The following ANKRD36C variants were observed in gnomAD, a reference collection of about 807,000 sequenced individuals.
The protein encoded by ANKRD36C is ankyrin repeat domain-containing protein 36C.
ANKRD36C carries 61 observed loss-of-function variants against 276.4 expected under a neutral mutation model. That is an observed-to-expected ratio of 0.22 (90% CI 0.18 to 0.27). The LOEUF is 0.27. ANKRD36C is among the 10% of genes least tolerant of loss of function. The pLI is 1.00. For synonymous variants in ANKRD36C, 483 were observed against 680.1 expected (o/e 0.71, Z 4.51); for missense variants, 1,447 against 2,032.3 (o/e 0.71, Z 5.54).
rs1261527823 is a variant in ANKRD36C, at chr2:95,914,088, A to T, written c.2551+20T>A. On this transcript the variant is annotated intron_variant, in intron 40 of 66. Transcript: ENST00000456556. ...ATCTATCTCGACTGATCATGACATT[A>T]AATCTCTTTTCAAAATTACCTCTCC... The T allele has an allele frequency of 4.5e-6, 7 of 1,545,350 alleles. No individual in the cohort carries two copies. In the Admixed American group the frequency reaches 1.3e-4, roughly 30 times the overall value.
intron 34 of ANKRD36C, among the ~76,000 whole-genome samples, 193 bp from the exon 37 acceptor site, chr2:95,918,235 T>C (rs1677162338): frequency 6.6e-6 from 1 of 151,652 alleles, no homozygotes; most frequent in African/African-American, 2.4e-5. Context: ...CTCCATCAAA[T>C]ATATCCTTAC....
At chr2:95,855,021 T>C (rs1675375889) in intron 63 of ANKRD36C, among the ~76,000 whole-genome samples, 1 of 152,216 alleles carries the variant, frequency 6.6e-6, no homozygotes, top group Non-Finnish European at 1.5e-5. Flanking sequence ...ACATTATTAA[T>C]GTTAGTCTAT....
chr2:95,893,724 A>C, intron 44 of ANKRD36C: 1 of 1,605,746 alleles, frequency 6.2e-7, no homozygotes, highest in Admixed American at 1.7e-5. Flanking sequence ...CTGAGAAGAC[A>C]CTGAAAAGCA....
At chr2:95,897,820 C>T (rs1676600122) in intron 44 of ANKRD36C, among the ~76,000 whole-genome samples, 1 of 144,556 alleles carries the variant, frequency 6.9e-6, no homozygotes, top group African/African-American at 2.5e-5. Flanking sequence ...GCAGGTGCTA[C>T]ATGATCCCAC....
chr2:95,912,785 G>T (rs1360057315), intron 40 of ANKRD36C, among the ~76,000 whole-genome samples: 1 of 151,416 alleles, frequency 6.6e-6, no homozygotes, highest in South Asian at 2.1e-4. Flanking sequence ...GTCAGAACAG[G>T]TGCTATATGA....
chr2:95,893,430 T>C, intron 44 of ANKRD36C, 103 bp downstream of exon 64: 3 of 1,464,940 alleles, frequency 2.0e-6, no homozygotes, highest in Admixed American at 2.1e-5. Flanking sequence ...GCCTGCTGAA[T>C]CAGAAAGTGC....
At chr2:95,934,957 C>T (rs551714419) in intron 24 of ANKRD36C, among the ~76,000 whole-genome samples, 1 of 152,428 alleles carries the variant, frequency 6.6e-6, no homozygotes, top group East Asian at 1.9e-4. Flanking sequence ...AACTCACAAA[C>T]AAAAGCACAC....
At chr2:95,910,339 C>T in intron 42 of ANKRD36C, 34 bp downstream of exon 46, 3 of 1,520,398 alleles carry the variant, frequency 2.0e-6, no homozygotes, top group East Asian at 2.5e-5. Flanking sequence ...TCTATCTGGA[C>T]AGAACACGAC....
At position 95,855,989 on chromosome 2, in the gene ANKRD36C, T is replaced by C. The variant is rs535646262; in HGVS notation, c.4272A>G (p.Thr1424=). The stretch of plus-strand genomic sequence containing the variant: ...TATAACAGGCTATCGTTTCTGCTAA[T>C]GTTTCCTCATTCCGTTTTAGAGCCT... The change falls in exon 63 of 67, where the codon ACA becomes ACG. Residue 1424 remains threonine (T), a synonymous_variant. Coordinates refer to ENST00000456556, the Ensembl canonical transcript of ANKRD36C. 5 of 1,612,998 alleles carry C rather than the reference T, an allele frequency of 3.1e-6. No homozygotes were observed. In the African/African-American group the frequency reaches 4.0e-5, roughly 13 times the overall value.
At chr2:95,892,594 G>A (rs1049848815) in intron 44 of ANKRD36C, among the ~76,000 whole-genome samples, 1 of 151,418 alleles carries the variant, frequency 6.6e-6, no homozygotes, top group Non-Finnish European at 1.5e-5. Context: ...ACAAAGTAAA[G>A]CTGCTACAAG....
chr2:95,927,099 G>T (rs541625788), intron 28 of ANKRD36C, 115 bp downstream of exon 28: 976 of 1,441,224 alleles, frequency 6.8e-4, no homozygotes, highest in Non-Finnish European at 8.6e-4. Context: ...AGAATCTCAG[G>T]CCTGCTGAAT....
chr2:95,956,734 C>T, intron 13 of ANKRD36C, 52 bp downstream of exon 13: 1 of 1,479,336 alleles, frequency 6.8e-7, no homozygotes, highest in Non-Finnish European at 9.1e-7. Flanking sequence ...AGTTTCTATT[C>T]TCTCTATTAA....
chr2:95,850,860 A>G (rs1313046774), downstream of ANKRD36C, among the ~76,000 whole-genome samples: 2 of 152,210 alleles, frequency 1.3e-5, no homozygotes, highest in African/African-American at 2.4e-5. Context: ...TTGTGAGAAC[A>G]GTTTCAGTTT....
chr2:95,897,095 T>C (rs1404649118), intron 44 of ANKRD36C, among the ~76,000 whole-genome samples, 175 bp downstream of exon 60: 1 of 150,310 alleles, frequency 6.7e-6, no homozygotes, highest in Non-Finnish European at 1.5e-5. Context: ...ACGGCGAAGA[T>C]CACGTTCCAG....
At chr2:95,864,261 T>C (rs1307032083) in intron 60 of ANKRD36C, among the ~76,000 whole-genome samples, 2 of 152,100 alleles carry the variant, frequency 1.3e-5, no homozygotes, top group Admixed American at 6.6e-5. Flanking sequence ...TGGCTTAACA[T>C]TGAAACACCA....
In ANKRD36C at chr2:95,915,943, G is replaced by T. The variant is rs760093507; in HGVS notation, c.2449+37C>A. The T allele has an allele frequency of 7.8e-6, 12 of 1,538,212 alleles. No homozygotes were observed. In the East Asian group the frequency reaches 9.8e-5, roughly 13 times the overall value. ...TTCGGGGAAGAGAACTTCTTATCTG[G>T]ACTGAACATGACATTAAATGTGTTT... On this transcript the variant is annotated intron_variant, in intron 38 of 66. Coordinates refer to ENST00000456556, the Ensembl canonical transcript of ANKRD36C.
intron 54 of ANKRD36C, among the ~76,000 whole-genome samples, chr2:95,883,166 G>T (rs1349185603): frequency 6.6e-6 from 1 of 151,964 alleles, no homozygotes; most frequent in African/African-American, 2.4e-5. Flanking sequence ...TGGCAACAAA[G>T]TATAATATAT....
chr2:95,853,535 A>C, intron 64 of ANKRD36C, 174 bp downstream of exon 84: 1 of 526,600 alleles, frequency 1.9e-6, no homozygotes, highest in Non-Finnish European at 3.1e-6. Flanking sequence ...ATCTTAATAA[A>C]ATTAATAATA....
chr2:95,872,490 C>G lies in ANKRD36C; in HGVS notation c.3540+3949G>C, dbSNP rs1293817165. Among the ~76,000 whole-genome samples, 5 of 151,704 alleles carry G rather than the reference C, an allele frequency of 3.3e-5. No homozygotes were observed. The South Asian group carries it at 8.4e-4, about 25-fold the overall frequency. On this transcript the variant is annotated intron_variant, in intron 59 of 66. Coordinates refer to ENST00000456556, the Ensembl canonical transcript of ANKRD36C. Reference sequence around the variant, plus strand: ...CAACGAGAACAAAGACACAACATACCAGAATCTCTGGGACACATTCAAAGC... The same window carrying G: ...CAACGAGAACAAAGACACAACATACGAGAATCTCTGGGACACATTCAAAGC...
Sources: allele counts gnomAD v4.1 joint callset (sites outside exome capture counted in the v4.1 genomes callset), GRCh38; gene constraint gnomAD v4.1.1; transcripts MANE v1.5; gene names NCBI Gene and HGNC (gene_info 2026-07-23, HGNC 2026-07-21).